PAN3: variants seen among roughly 807,000 people sequenced by gnomAD.
PAN3 encodes the protein poly(A) specific ribonuclease subunit PAN3.
PAN3 carries 19 observed loss-of-function variants against 96.2 expected under a neutral mutation model. That is an observed-to-expected ratio of 0.20 (90% confidence interval 0.14 to 0.29). The LOEUF (loss-of-function observed/expected upper bound fraction) is 0.29, where lower values mean the gene tolerates loss of function less well. PAN3 is among the 10% of genes least tolerant of loss of function. The pLI is 1.00. For synonymous variants in PAN3, 433 were observed against 406.6 expected, an observed-to-expected ratio of 1.06 and a Z score of -0.78; for missense variants, 882 against 1,108.1, an observed-to-expected ratio of 0.80 and a Z score of 2.90.
chr13:28,229,550 A>G (rs1025460994), intron 6 of PAN3, among the ~76,000 whole-genome samples: 1 of 152,156 alleles, frequency 6.6e-6, no homozygotes, highest in African/African-American at 2.4e-5. Context: ...GTGATTACTT[A>G]GATTTGTTAT....
chr13:28,202,531 G>T (rs1408875841), intron 5 of PAN3, among the ~76,000 whole-genome samples: 1 of 152,000 alleles, frequency 6.6e-6, no homozygotes, highest in Non-Finnish European at 1.5e-5. Context: ...TACATTGTCA[G>T]TTCTCTGAAC....
At chr13:28,277,504 A>G (rs2138703415) in intron 15 of PAN3, 128 bp downstream of exon 15, 1 of 883,002 alleles carries the variant, frequency 1.1e-6, no homozygotes, top group Non-Finnish European at 1.7e-6. Context: ...TTATGTCTTT[A>G]TTTTTATTGC....
chr13:28,221,499 A>G (rs1038580490), intron 6 of PAN3, among the ~76,000 whole-genome samples: 3 of 152,318 alleles, frequency 2.0e-5, no homozygotes, highest in South Asian at 4.1e-4. Flanking sequence ...ATCTAATTCA[A>G]GGACCTCTTT....
intron 1 of PAN3, among the ~76,000 whole-genome samples, chr13:28,147,387 C>T (rs1870801480): frequency 1.3e-5 from 2 of 152,276 alleles, no homozygotes; most frequent in South Asian, 4.1e-4. Context: ...TTTGACATAA[C>T]AGTACTGACT....
chr13:28,228,373 T>C (rs916404983), intron 6 of PAN3, among the ~76,000 whole-genome samples: 1 of 152,218 alleles, frequency 6.6e-6, no homozygotes, highest in Non-Finnish European at 1.5e-5. Context: ...ATTATAGATG[T>C]GGCCTTTTTC....
At chr13:28,256,776 A>G (rs1885180478) in intron 7 of PAN3, among the ~76,000 whole-genome samples, 1 of 152,158 alleles carries the variant, frequency 6.6e-6, no homozygotes, top group Non-Finnish European at 1.5e-5. Flanking sequence ...GATTATATCC[A>G]TGCTCTTATT....
intron 6 of PAN3, among the ~76,000 whole-genome samples, chr13:28,224,641 G>C (rs1479712439): frequency 6.6e-6 from 1 of 151,904 alleles, no homozygotes; most frequent in Admixed American, 6.6e-5. Flanking sequence ...ACTTTAGAGA[G>C]AGTGTCTCAC....
intron 4 of PAN3, among the ~76,000 whole-genome samples, chr13:28,191,119 T>C (rs932514977): frequency 3.3e-5 from 5 of 152,208 alleles, no homozygotes; most frequent in African/African-American, 1.2e-4. Context: ...GAGTTGGTGC[T>C]TTTGTTTGCT....
intron 4 of PAN3, among the ~76,000 whole-genome samples, chr13:28,181,504 CAAAAAAA>C (rs894039087): frequency 1.7e-5 from 1 of 57,268 alleles, no homozygotes; most frequent in Admixed American, 1.8e-4. Context: ...AACCCTGTCT[CAAAAAAA>C]AAAAAAAAAA....
Position 28,281,448 on chromosome 13 carries a change from A to G in PAN3, c.2384+69A>G. 3.0e-6 allele frequency: 4 copies of G among 1,342,428 alleles called. No individual in the cohort carries two copies. The Admixed American group carries it at 6.1e-5, about 20-fold the overall frequency. 83.2% of individuals were successfully genotyped at this position (1,342,428 alleles called of 1,614,324 possible). ...ACTATTTTGCATAATAAGAATAAGT[A>G]TGCCTGGCTTTATTTGGAAAAAGAG... On this transcript the variant is annotated intron_variant, in intron 17 of 18. Coordinates refer to ENST00000380958, the MANE Select transcript of PAN3 (RefSeq NM_175854.8).
chr13:28,154,058 G>T (rs1464068756), intron 1 of PAN3, among the ~76,000 whole-genome samples: 1 of 152,114 alleles, frequency 6.6e-6, no homozygotes, highest in African/African-American at 2.4e-5. Context: ...TTTATTGGAG[G>T]ATATTTTTCG....
chr13:28,282,695 T>G (rs1868438937), intron 17 of PAN3, among the ~76,000 whole-genome samples: 1 of 152,186 alleles, frequency 6.6e-6, no homozygotes, highest in Non-Finnish European at 1.5e-5. Flanking sequence ...CAGTTCCTTT[T>G]TTTCCCTCCC....
At chr13:28,172,290 A>G (rs1874406007) in intron 1 of PAN3, among the ~76,000 whole-genome samples, 1 of 152,096 alleles carries the variant, frequency 6.6e-6, no homozygotes, top group African/African-American at 2.4e-5. Flanking sequence ...CCCTGACTCT[A>G]CTAAATATAC....
chr13:28,270,602 T>G, intron 12 of PAN3, 99 bp from the exon 13 acceptor site: 4 of 1,197,934 alleles, frequency 3.3e-6, no homozygotes, highest in Non-Finnish European at 3.5e-6. Context: ...TGTTGTGCCA[T>G]GAGTGTACAT....
chr13:28,180,756 C>T (rs1365702181), intron 4 of PAN3, among the ~76,000 whole-genome samples: 1 of 152,074 alleles, frequency 6.6e-6, no homozygotes, highest in African/African-American at 2.4e-5. Flanking sequence ...TAACTTTTGC[C>T]TGTGGGATTA....
At chr13:28,156,009 A>G (rs1198088420) in intron 1 of PAN3, among the ~76,000 whole-genome samples, 3 of 152,212 alleles carry the variant, frequency 2.0e-5, no homozygotes, top group African/African-American at 7.2e-5. Context: ...GTGATATGAT[A>G]AGATCTGTGT....
intron 4 of PAN3, among the ~76,000 whole-genome samples, chr13:28,196,259 TTTAAA>T (rs1267083190): frequency 1.3e-5 from 2 of 152,102 alleles, no homozygotes; most frequent in Non-Finnish European, 2.9e-5. Flanking sequence ...TATTTCAGAG[TTTAAA>T]TTAATTACCT....
At chr13:28,292,300 T>C in intron 18 of PAN3, 82 bp from the exon 19 acceptor site, 1 of 1,358,750 alleles carries the variant, frequency 7.4e-7, no homozygotes, top group Non-Finnish European at 9.8e-7. Context: ...AATTTAGATA[T>C]TTTATTTATT....
intron 1 of PAN3, 47 bp downstream of exon 1, chr13:28,139,134 C>A (rs1228488927): frequency 1.6e-6 from 2 of 1,268,488 alleles, no homozygotes; most frequent in South Asian, 2.8e-5. Flanking sequence ...GAGGGCAGGC[C>A]TGGGCCGGAT....
Sources: gnomAD v4.1 joint callset for allele counts (sites outside exome capture counted in the v4.1 genomes callset) on GRCh38, gnomAD v4.1.1 for gene constraint, MANE v1.5 for transcripts, NCBI Gene and HGNC (gene_info 2026-07-23, HGNC 2026-07-21) for gene names.